The following DNAJC18 variants were observed in gnomAD, a reference collection of about 807,000 sequenced individuals.
DNAJC18 encodes the protein DnaJ heat shock protein family (Hsp40) member C18, also known as dnaJ homolog subfamily C member 18.
A neutral mutation model predicts 48.6 loss-of-function variants in DNAJC18; 40 were observed. The observed-to-expected ratio is 0.82, with a 90% CI of 0.64 to 1.07. DNAJC18 has a LOEUF of 1.07. DNAJC18 is among the 50% of genes least tolerant of loss of function. The pLI is 0.00. For synonymous variants in DNAJC18, 135 were observed against 152.2 expected (o/e 0.89, Z 0.83); for missense variants, 340 against 427.7 (o/e 0.79, Z 1.81).
At chr5:139,425,937 TTATTAA>T (rs1706805760) in intron 4 of DNAJC18, among the ~76,000 whole-genome samples, 1 of 152,204 alleles carries the variant, frequency 6.6e-6, no homozygotes, top group Non-Finnish European at 1.5e-5. Flanking sequence ...GAAGTAGGTA[TTATTAA>T]CAGCCCCATT....
intron 3 of DNAJC18, among the ~76,000 whole-genome samples, chr5:139,427,379 AAAG>A (rs540470048): frequency 3.2e-4 from 49 of 152,298 alleles, no homozygotes; most frequent in African/African-American, 1.1e-3. Flanking sequence ...ACCTCAAAAA[AAAG>A]AAATCTTTTA....
intron 1 of DNAJC18, among the ~76,000 whole-genome samples, chr5:139,438,474 T>C (rs1017167492): frequency 6.6e-6 from 1 of 152,146 alleles, no homozygotes; most frequent in African/African-American, 2.4e-5. Flanking sequence ...AAAGATTGGA[T>C]ACCCCTGGTT....
At chr5:139,426,050 G>T in intron 4 of DNAJC18, 122 bp downstream of exon 4, 1 of 1,139,406 alleles carries the variant, frequency 8.8e-7, no homozygotes, top group Non-Finnish European at 1.2e-6. Context: ...CTGCTCAACT[G>T]ATTCTAGATC....
chr5:139,429,209 G>C (rs927264468), intron 2 of DNAJC18, among the ~76,000 whole-genome samples: 3 of 149,074 alleles, frequency 2.0e-5, no homozygotes, highest in Non-Finnish European at 4.4e-5. Context: ...TCAGCCTCCC[G>C]AGTAGCTGAG....
intron 7 of DNAJC18, among the ~76,000 whole-genome samples, chr5:139,417,045 C>G (rs990895493): frequency 5.9e-5 from 9 of 152,068 alleles, no homozygotes; most frequent in Non-Finnish European, 1.5e-5. Flanking sequence ...CAAAAATTAG[C>G]CAGGCACGGT....
intron 7 of DNAJC18, among the ~76,000 whole-genome samples, chr5:139,418,056 A>G (rs1469296410): frequency 6.6e-6 from 1 of 152,208 alleles, no homozygotes; most frequent in Non-Finnish European, 1.5e-5. Context: ...AAGAATGTGA[A>G]ATGCAGATTT....
In DNAJC18 at chr5:139,413,605, AG is replaced by A. The variant is rs1759028211; in HGVS notation, c.*542del. 1 of 152,442 alleles carries A rather than the reference AG, an allele frequency of 6.6e-6. No homozygotes were observed. The highest frequency in any genetic ancestry group is 1.5e-5 in the Non-Finnish European group (1 of 68,200). The allele number at this position is 152,442 out of a possible 1,614,324, so 9.4% of individuals were successfully genotyped here. On this transcript the variant is annotated 3_prime_UTR_variant, in exon 8 of 8. Coordinates refer to ENST00000302060, the MANE Select transcript of DNAJC18 (RefSeq NM_152686.4). Reference sequence around the variant, plus strand: ...CTAACTGAGCAGAGATTGGAATAATAGAAAACTATTGACTACAATAGTTTAA... The same window carrying A: ...CTAACTGAGCAGAGATTGGAATAATAAAAACTATTGACTACAATAGTTTAA...
intron 7 of DNAJC18, among the ~76,000 whole-genome samples, chr5:139,415,431 G>A (rs533164806): frequency 5.4e-4 from 82 of 152,368 alleles, no homozygotes; most frequent in Admixed American, 1.2e-3. Context: ...ACTCCAGAGT[G>A]AGGGATGGAT....
chr5:139,420,320 CA>C, intron 6 of DNAJC18, 95 bp from the exon 7 acceptor site: 22 of 1,260,482 alleles, frequency 1.7e-5, no homozygotes, highest in Non-Finnish European at 2.3e-5. Context: ...ATCATCTGCT[CA>C]TAGAGCAGAG....
At chr5:139,426,023 A>T in intron 4 of DNAJC18, 149 bp downstream of exon 4, 1 of 850,098 alleles carries the variant, frequency 1.2e-6, no homozygotes, top group South Asian at 1.9e-5. Context: ...TGGGGGCTGG[A>T]GACTTGCCTC....
chr5:139,439,273 G>C lies in DNAJC18; in HGVS notation c.40+133C>G. The C allele has an allele frequency of 7.0e-7, 1 of 1,431,072 alleles. No individual in the cohort carries two copies. The highest frequency in any genetic ancestry group is 1.4e-5 in the African/African-American group (1 of 70,880). The allele number at this position is 1,431,072 out of a possible 1,614,324, so 88.6% of individuals were successfully genotyped here. A position where few individuals can be genotyped will look rare whatever the true frequency, so the allele number is the denominator to read the frequency against. ...CTACCCCATCCGCAACCCTACTCAG[G>C]CTCAGCATCTTTTCACAGGCCTCTA... On this transcript the variant is annotated intron_variant, in intron 1 of 7. Coordinates refer to ENST00000302060, the MANE Select transcript of DNAJC18 (RefSeq NM_152686.4). This position sits in a 1 kb window ranked among gnomAD's most constrained non-coding sequence, Gnocchi z 4.1.
chr5:139,417,631 T>G lies in DNAJC18; in HGVS notation c.952+2422A>C, dbSNP rs1046297500. 3.3e-5 allele frequency among the ~76,000 whole-genome samples: 5 copies of G among 149,734 alleles called. No homozygotes were observed. In the Admixed American group the frequency reaches 3.4e-4, roughly 10 times the overall value. On this transcript the variant is annotated intron_variant, in intron 7 of 7. Transcript: ENST00000302060. ...CTCTGTCACCCAGGCTGAAGTGCAG[T>G]GGCACGATCTCAGCAGACTGCAACC...
At chr5:139,438,867 G>T (rs1750735947) in intron 1 of DNAJC18, among the ~76,000 whole-genome samples, 1 of 152,192 alleles carries the variant, frequency 6.6e-6, no homozygotes, top group Non-Finnish European at 1.5e-5. Flanking sequence ...CTCTCTCAGT[G>T]GGCTGCGAGT....
At chr5:139,417,105 G>A (rs576101560) in intron 7 of DNAJC18, among the ~76,000 whole-genome samples, 6 of 151,366 alleles carry the variant, frequency 4.0e-5, no homozygotes, top group South Asian at 2.1e-4. Context: ...CAGGAGAATC[G>A]CTTGAACCTG....
In DNAJC18 at chr5:139,411,023, C is replaced by G. The variant is rs969611643; in HGVS notation, c.*3125G>C. Reference sequence around the variant, plus strand: ...ACCTCAAATGATCTGCCTGCCTCAGCCTTTCAAAGTGCTGGGATTACAGGC... The same window carrying G: ...ACCTCAAATGATCTGCCTGCCTCAGGCTTTCAAAGTGCTGGGATTACAGGC... On this transcript the variant is annotated 3_prime_UTR_variant, in exon 8 of 8. Transcript: ENST00000302060. 3.9e-5 allele frequency: 6 copies of G among 152,300 alleles called. No homozygotes were observed. Among genetic ancestry groups the G allele is most frequent in the Non-Finnish European group, 7.3e-5 (5 of 68,100 alleles). The allele number at this position is 152,300 out of a possible 1,614,324, so 9.4% of individuals were successfully genotyped here. A position where few individuals can be genotyped will look rare whatever the true frequency, so the allele number is the denominator to read the frequency against.
chr5:139,410,351 T>C lies in DNAJC18; in HGVS notation c.*3797A>G, dbSNP rs531032149. ...TCATCCCTACTCTGGTCACAGAACA[T>C]TCACATCTTTAATTCCAAATACTGA... On this transcript the variant is annotated 3_prime_UTR_variant, in exon 8 of 8. Coordinates refer to ENST00000302060, the MANE Select transcript of DNAJC18 (RefSeq NM_152686.4). 1 of 152,306 alleles carries C rather than the reference T, an allele frequency of 6.6e-6. No homozygotes were observed. Among genetic ancestry groups the C allele is most frequent in the East Asian group, 1.9e-4 (1 of 5,190 alleles). 9.4% of individuals were successfully genotyped at this position (152,306 alleles called of 1,614,324 possible). A position where few individuals can be genotyped will look rare whatever the true frequency, so the allele number is the denominator to read the frequency against.
intron 2 of DNAJC18, 92 bp downstream of exon 2, chr5:139,437,280 C>T: frequency 1.2e-5 from 17 of 1,386,372 alleles, no homozygotes; most frequent in South Asian, 4.6e-5. Flanking sequence ...TCATCATCAT[C>T]ATTATCATCA....
At chr5:139,436,494 T>C (rs1388009115) in intron 2 of DNAJC18, among the ~76,000 whole-genome samples, 1 of 151,318 alleles carries the variant, frequency 6.6e-6, no homozygotes. Flanking sequence ...AGTATTTGGA[T>C]TGGTAGGGAT....
intron 2 of DNAJC18, among the ~76,000 whole-genome samples, 155 bp from the exon 3 acceptor site, chr5:139,428,838 A>C (rs1440355296): frequency 6.6e-6 from 1 of 152,150 alleles, no homozygotes; most frequent in Non-Finnish European, 1.5e-5. Flanking sequence ...ATTCATTAAC[A>C]ATGTCCTTCT....
Sources: allele counts gnomAD v4.1 joint callset (sites outside exome capture counted in the v4.1 genomes callset), GRCh38; gene constraint gnomAD v4.1.1; non-coding constraint Gnocchi (gnomAD v3.1); transcripts MANE v1.5; gene names NCBI Gene and HGNC (gene_info 2026-07-23, HGNC 2026-07-21).